NAALADL2: variants seen among roughly 807,000 people sequenced by gnomAD.
NAALADL2 encodes inactive N-acetylated-alpha-linked acidic dipeptidase-like protein 2.
NAALADL2 carries 76 observed loss-of-function variants against 87.2 expected under a neutral mutation model. The observed-to-expected ratio is 0.87, with a 90% confidence interval of 0.72 to 1.05. The LOEUF is 1.05. Ranked by LOEUF, NAALADL2 falls within the 50% of genes least tolerant of loss-of-function variation. NAALADL2 has a pLI of 0.00. For synonymous variants in NAALADL2, 354 were observed against 331.0 expected (o/e 1.07, Z -0.75); for missense variants, 1,089 against 945.8 (o/e 1.15, Z -1.99).
intron 7 of NAALADL2, among the ~76,000 whole-genome samples, chr3:175,466,081 C>CT (rs1299845215): frequency 1.1e-4 from 17 of 152,292 alleles, no homozygotes; most frequent in Admixed American, 5.9e-4. Flanking sequence ...CAACTAGTGA[C>CT]TTGCACAGCC....
At chr3:175,582,185 TA>T (rs1470734609) in intron 10 of NAALADL2, among the ~76,000 whole-genome samples, 1 of 147,498 alleles carries the variant, frequency 6.8e-6, no homozygotes, top group African/African-American at 2.5e-5. Context: ...GTCTGAGGAA[TA>T]AACACAAGAA....
intron 5 of NAALADL2, among the ~76,000 whole-genome samples, chr3:175,381,584 C>T (rs1190159553): frequency 6.6e-6 from 1 of 151,962 alleles, no homozygotes; most frequent in Non-Finnish European, 1.5e-5. Context: ...TTTCTTAGCA[C>T]ATTTATTTAC....
chr3:175,787,040 G>A (rs1032721881), intron 13 of NAALADL2, among the ~76,000 whole-genome samples: 3 of 152,048 alleles, frequency 2.0e-5, no homozygotes, highest in Admixed American at 6.5e-5. Flanking sequence ...CAGGGGTCAG[G>A]GACCCACTTG....
chr3:174,927,613 G>C (rs574508204), intron 1 of NAALADL2, among the ~76,000 whole-genome samples: 2 of 152,252 alleles, frequency 1.3e-5, no homozygotes, highest in East Asian at 3.9e-4. Flanking sequence ...TGACTACTGG[G>C]TACATAACGA....
intron 2 of NAALADL2, among the ~76,000 whole-genome samples, chr3:175,171,008 C>A (rs1462880932): frequency 6.6e-6 from 1 of 151,726 alleles, no homozygotes; most frequent in Non-Finnish European, 1.5e-5. Context: ...TTCCCAATTT[C>A]TCTAGTTTCC....
rs1762301713 is a variant in NAALADL2 at position 175,338,866 on chromosome 3, G to A, written c.1090+14541G>A. On this transcript the variant is annotated intron_variant, in intron 5 of 13. Transcript: ENST00000454872. ...TCAAGTGAGGTGAAGAAGGAGGCGA[G>A]TTCAAGAAAGTGAGTGACTCATCAC... Among the ~76,000 whole-genome samples, 2 of 152,284 alleles carry A rather than the reference G, an allele frequency of 1.3e-5. 1 individual carries two copies.
intron 2 of NAALADL2, among the ~76,000 whole-genome samples, chr3:174,685,370 T>C (rs956154681): frequency 6.6e-6 from 1 of 152,158 alleles, no homozygotes. Flanking sequence ...TTCTGACAAA[T>C]TTATCCAAAA....
intron 10 of NAALADL2, among the ~76,000 whole-genome samples, chr3:175,576,675 A>G (rs911668174): frequency 2.0e-5 from 3 of 152,228 alleles, no homozygotes; most frequent in Non-Finnish European, 2.9e-5. Flanking sequence ...TCCAAAGAAT[A>G]TCACAAAAGC....
chr3:174,579,807 A>T (rs944673021), intron 2 of NAALADL2, among the ~76,000 whole-genome samples: 4 of 152,060 alleles, frequency 2.6e-5, no homozygotes, highest in African/African-American at 9.6e-5. Context: ...CTGGGGATAC[A>T]TGTATGACTA....
chr3:175,732,221 G>A (rs914457522), intron 11 of NAALADL2, among the ~76,000 whole-genome samples: 5 of 152,156 alleles, frequency 3.3e-5, no homozygotes, highest in African/African-American at 9.7e-5. Context: ...CAACAGGCAG[G>A]CTAATAGGAG....
At chr3:175,266,842 A>G (rs1318089201) in intron 4 of NAALADL2, among the ~76,000 whole-genome samples, 1 of 151,876 alleles carries the variant, frequency 6.6e-6, no homozygotes, top group East Asian at 1.9e-4. Context: ...TAATTAAATA[A>G]TAGTACAACC....
chr3:174,997,832 C>CAAACAA (rs778544220), intron 1 of NAALADL2, among the ~76,000 whole-genome samples: 3 of 130,664 alleles, frequency 2.3e-5, no homozygotes, highest in African/African-American at 1.1e-4. Context: ...AACCAAAAAG[C>CAAACAA]AAACAACAAC....
chr3:174,450,739 A>G (rs1577938631), intron 1 of NAALADL2, among the ~76,000 whole-genome samples: 1 of 151,888 alleles, frequency 6.6e-6, no homozygotes, highest in East Asian at 2.0e-4. Flanking sequence ...GTGTGGTGGC[A>G]GGCACCTGTA....
At chr3:175,078,358 A>G (rs1230672549) in intron 1 of NAALADL2, among the ~76,000 whole-genome samples, 1 of 152,190 alleles carries the variant, frequency 6.6e-6, no homozygotes, top group Non-Finnish European at 1.5e-5. Flanking sequence ...CGTTTAGGAA[A>G]GAAAGTTGTA....
chr3:175,539,101 G>C (rs1708243855), intron 9 of NAALADL2, among the ~76,000 whole-genome samples: 1 of 152,206 alleles, frequency 6.6e-6, no homozygotes, highest in Non-Finnish European at 1.5e-5. Flanking sequence ...TGTAGTTGGA[G>C]AGATCCCTAA....
At chr3:175,066,811 G>C (rs887565078) in intron 1 of NAALADL2, among the ~76,000 whole-genome samples, 1 of 152,050 alleles carries the variant, frequency 6.6e-6, no homozygotes, top group South Asian at 2.1e-4. Flanking sequence ...GTGAGATGTC[G>C]CTTGTGAACA....
chr3:175,528,663 A>G (rs575056055), intron 9 of NAALADL2, among the ~76,000 whole-genome samples: 1 of 152,350 alleles, frequency 6.6e-6, no homozygotes, highest in African/African-American at 2.4e-5. Flanking sequence ...GGTTATAATT[A>G]TGCCTAACAT....
intron 5 of NAALADL2, among the ~76,000 whole-genome samples, chr3:175,433,147 A>G (rs977532861): frequency 2.6e-5 from 4 of 152,030 alleles, no homozygotes; most frequent in African/African-American, 9.7e-5. Context: ...ACAAATATAC[A>G]ATCAAATAGA....
intron 1 of NAALADL2, among the ~76,000 whole-genome samples, chr3:174,975,588 G>T (rs552690269): frequency 6.6e-6 from 1 of 152,098 alleles, no homozygotes; most frequent in Non-Finnish European, 1.5e-5. Flanking sequence ...CAGAACTTGT[G>T]AATTTGGTGG....
Sources: gnomAD v4.1 joint callset for allele counts (sites outside exome capture counted in the v4.1 genomes callset) on GRCh38, gnomAD v4.1.1 for gene constraint, MANE v1.5 for transcripts, NCBI Gene and HGNC (gene_info 2026-07-23, HGNC 2026-07-21) for gene names.